The following SNAP91 variants were observed in gnomAD, a reference collection of about 807,000 sequenced individuals.
The protein encoded by SNAP91 is synaptosome associated protein 91, also known as clathrin coat assembly protein AP180.
SNAP91 carries 27 observed loss-of-function variants against 100.3 expected under a neutral mutation model. The ratio of observed to expected loss-of-function variants is 0.27; its 90% CI spans 0.20 to 0.37. SNAP91 has a LOEUF of 0.37. Ranked by LOEUF, SNAP91 falls within the 10% of genes least tolerant of loss-of-function variation. SNAP91 has a pLI of 1.00. For missense variants in SNAP91, 986 were observed against 1,123.7 expected (o/e 0.88, Z 1.75); for synonymous variants, 404 against 398.6 (o/e 1.01, Z -0.16).
At chr6:83,566,521 T>A (rs1378577712) in intron 26 of SNAP91, among the ~76,000 whole-genome samples, 1 of 152,162 alleles carries the variant, frequency 6.6e-6, no homozygotes, top group Non-Finnish European at 1.5e-5. Flanking sequence ...AAGGGCTTTA[T>A]TAGCTTTAAA....
chr6:83,564,416 C>T (rs527663425), intron 26 of SNAP91, among the ~76,000 whole-genome samples: 20 of 151,220 alleles, frequency 1.3e-4, no homozygotes, highest in African/African-American at 3.2e-4. Flanking sequence ...TGGCTCACTG[C>T]GGCCTCTAGT....
At chr6:83,589,053 C>T (rs2093336984) in intron 22 of SNAP91, among the ~76,000 whole-genome samples, 1 of 152,036 alleles carries the variant, frequency 6.6e-6, no homozygotes, top group Non-Finnish European at 1.5e-5. Flanking sequence ...ATTATAACTT[C>T]AAAGCAAAAT....
At position 83,610,306 on chromosome 6, in the gene SNAP91, C is replaced by A. The variant is rs7739128; in HGVS notation, c.912+344G>T. Among the ~76,000 whole-genome samples the A allele has an allele frequency of 2.2e-3, 341 of 151,900 alleles. 1 individual carries two copies. Among genetic ancestry groups the A allele is most frequent in the African/African-American group, 7.7e-3 (317 of 41,430 alleles). On this transcript the variant is annotated intron_variant, in intron 12 of 29. Transcript: ENST00000369694. The stretch of plus-strand genomic sequence containing the variant: ...AGGGAGGAAATTCAGGCACATGGTA[C>A]AACATGGCTGAACCTTGAAGATATG...
In SNAP91 at chr6:83,646,356, C is replaced by T. The variant is rs189589838; in HGVS notation, c.659-5154G>A. ...ACCTTCCAGGATGTTTATAGTTTTG[C>T]ATTTTACATTTAGGTCTGTGATCCA... On this transcript the variant is annotated intron_variant, in intron 7 of 29. Coordinates refer to ENST00000369694, the MANE Select transcript of SNAP91 (RefSeq NM_001242792.2). Among the ~76,000 whole-genome samples, 209 of 152,232 alleles carry T rather than the reference C, an allele frequency of 1.4e-3. 2 individuals are homozygous for T. The highest frequency in any genetic ancestry group is 2.6e-3 in the Admixed American group (40 of 15,282).
chr6:83,577,954 A>C (rs1194247389), intron 24 of SNAP91, among the ~76,000 whole-genome samples: 2 of 152,166 alleles, frequency 1.3e-5, no homozygotes, highest in African/African-American at 4.8e-5. Context: ...CATTTCATAT[A>C]AATGGAATCA....
chr6:83,559,359 A>G (rs938093216), intron 28 of SNAP91, among the ~76,000 whole-genome samples: 3 of 152,236 alleles, frequency 2.0e-5, no homozygotes, highest in Non-Finnish European at 4.4e-5. Flanking sequence ...GCGATACTGC[A>G]TGTGTACTGT....
intron 5 of SNAP91, among the ~76,000 whole-genome samples, chr6:83,660,555 A>T (rs1177285406): frequency 6.6e-6 from 1 of 152,156 alleles, no homozygotes; most frequent in Non-Finnish European, 1.5e-5. Flanking sequence ...CTCTGACTAG[A>T]TTTATGCATC....
chr6:83,562,731 G>A (rs561585557), intron 26 of SNAP91, among the ~76,000 whole-genome samples: 1 of 152,240 alleles, frequency 6.6e-6, no homozygotes, highest in South Asian at 2.1e-4. Flanking sequence ...TGGAACTTCT[G>A]CCTGCTTGCT....
intron 7 of SNAP91, among the ~76,000 whole-genome samples, chr6:83,643,383 G>C (rs2097787746): frequency 6.6e-6 from 1 of 152,150 alleles, no homozygotes; most frequent in South Asian, 2.1e-4. Context: ...GTAAGGAAGG[G>C]TTCCAGTTTC....
chr6:83,673,612 A>C (rs2098819292), intron 2 of SNAP91, among the ~76,000 whole-genome samples: 1 of 152,234 alleles, frequency 6.6e-6, no homozygotes, highest in Non-Finnish European at 1.5e-5. Context: ...TTGTAAACAG[A>C]AATAAATTGT....
intron 26 of SNAP91, among the ~76,000 whole-genome samples, chr6:83,574,195 T>C (rs185405587): frequency 6.6e-6 from 1 of 152,244 alleles, no homozygotes; most frequent in African/African-American, 2.4e-5. Context: ...TAAGCAAAGG[T>C]GGAAAACTGC....
At chr6:83,658,018 A>G (rs1282099697) in intron 6 of SNAP91, among the ~76,000 whole-genome samples, 1 of 151,290 alleles carries the variant, frequency 6.6e-6, no homozygotes, top group African/African-American at 2.4e-5. Flanking sequence ...GACCTTGTCA[A>G]GTGATCTGCC....
At position 83,554,927 on chromosome 6, in the gene SNAP91, T is replaced by C. The variant is rs116639290; in HGVS notation, c.*11-642A>G. Reference sequence around the variant, plus strand: ...GTCTCTGTCTTTGTCTGTCTCTGTCTCTCTTTCTCTTTGTCTGTCTCTGTC... The same window carrying C: ...GTCTCTGTCTTTGTCTGTCTCTGTCCCTCTTTCTCTTTGTCTGTCTCTGTC... On this transcript the variant is annotated intron_variant, in intron 29 of 29. Transcript: ENST00000369694. Among the ~76,000 whole-genome samples, 1,104 of 152,304 alleles carry C rather than the reference T, an allele frequency of 7.2e-3. 16 individuals are homozygous for C. Among genetic ancestry groups the C allele is most frequent in the African/African-American group, 0.025 (1,033 of 41,548 alleles).
intron 29 of SNAP91, among the ~76,000 whole-genome samples, chr6:83,555,679 C>T (rs1344516893): frequency 6.6e-6 from 1 of 152,074 alleles, no homozygotes; most frequent in East Asian, 1.9e-4. Context: ...ATTTAAAACT[C>T]TGCTTGAATG....
chr6:83,669,084 T>C (rs929521974), intron 2 of SNAP91, among the ~76,000 whole-genome samples: 1 of 152,058 alleles, frequency 6.6e-6, no homozygotes, highest in Non-Finnish European at 1.5e-5. Flanking sequence ...TATTGAATAC[T>C]GTACTGAACG....
intron 2 of SNAP91, among the ~76,000 whole-genome samples, chr6:83,671,628 T>G (rs2098788379): frequency 6.6e-6 from 1 of 152,012 alleles, no homozygotes; most frequent in Admixed American, 6.6e-5. Flanking sequence ...AAATTAATCT[T>G]AGAAAGATTA....
chr6:83,676,453 G>C (rs72905520), intron 2 of SNAP91, among the ~76,000 whole-genome samples: 3 of 152,140 alleles, frequency 2.0e-5, no homozygotes, highest in Non-Finnish European at 4.4e-5. Flanking sequence ...GAAAGCCAGC[G>C]ATTCAGTCAT....
intron 11 of SNAP91, among the ~76,000 whole-genome samples, chr6:83,614,089 T>C (rs149419838): frequency 1.2e-3 from 179 of 152,314 alleles, no homozygotes; most frequent in Middle Eastern, 3.4e-3. Context: ...TTAAGTTTTA[T>C]ATGAGTCATA....
chr6:83,692,111 T>C (rs2099138481), intron 2 of SNAP91, among the ~76,000 whole-genome samples: 1 of 152,192 alleles, frequency 6.6e-6, no homozygotes, highest in Non-Finnish European at 1.5e-5. Flanking sequence ...TACATATCTA[T>C]TCTGCTTACA....
Sources: gnomAD v4.1 joint callset for allele counts (sites outside exome capture counted in the v4.1 genomes callset) on GRCh38, gnomAD v4.1.1 for gene constraint, MANE v1.5 for transcripts, NCBI Gene and HGNC (gene_info 2026-07-23, HGNC 2026-07-21) for gene names.